The following SPINT1 variants were observed in gnomAD, a reference collection of about 807,000 sequenced individuals.
The protein encoded by SPINT1 is serine peptidase inhibitor, Kunitz type 1.
Under a neutral mutation model 53.7 loss-of-function variants are expected in SPINT1, and 38 were observed. The observed-to-expected ratio is 0.71, with a 90% CI of 0.55 to 0.93. The LOEUF (loss-of-function observed/expected upper bound fraction) is 0.93. Among genes scored for constraint, SPINT1 ranks in the 40% least tolerant of loss-of-function variants. The pLI is 0.00. For missense variants in SPINT1, 645 were observed against 692.9 expected (o/e 0.93, Z 0.78); for synonymous variants, 283 against 280.6 (o/e 1.01, Z -0.08).
rs1290058311 is a variant in SPINT1, at chr15:40,844,098, G to C, written c.-154G>C. 2.3e-6 allele frequency: 1 copy of C among 433,220 alleles called. No homozygotes were observed. Among genetic ancestry groups the C allele is most frequent in the Non-Finnish European group, 4.6e-6 (1 of 218,982 alleles). The allele number at this position is 433,220 out of a possible 1,614,324, so 26.8% of individuals were successfully genotyped here. ...AGGCGGCCGAGCCCCAGCTCTCCGA[G>C]CACCGGGTCGGAAGCCGCGACCCGA... On this transcript the variant is annotated 5_prime_UTR_variant, in exon 1 of 11. Transcript: ENST00000562057. The surrounding 1 kb of genome is among the most constrained non-coding windows in gnomAD (Gnocchi z 5.8).
rs112045778 is a variant in SPINT1, at chr15:40,845,301, G to A, written c.475+272G>A. ...GGAGTAGCTGGAACTACAGGCACCCGCTACCAGACCCGGCTAATTTTTTTT... is the reference window on the plus strand; with the variant it reads ...GGAGTAGCTGGAACTACAGGCACCCACTACCAGACCCGGCTAATTTTTTTT... On this transcript the variant is annotated intron_variant, in intron 2 of 10. Coordinates refer to ENST00000562057, the MANE Select transcript of SPINT1 (RefSeq NM_003710.4). 2.1e-3 allele frequency among the ~76,000 whole-genome samples: 290 copies of A among 140,188 alleles called. 1 individual carries two copies. The highest frequency in any genetic ancestry group is 7.4e-3 in the African/African-American group (274 of 37,058). 92.0% of individuals were successfully genotyped at this position (140,188 alleles called of 152,430 possible). A position where few individuals can be genotyped will look rare whatever the true frequency, so the allele number is the denominator to read the frequency against.
intron 2 of SPINT1, among the ~76,000 whole-genome samples, chr15:40,847,660 T>TA (rs931952450): frequency 2.6e-4 from 40 of 152,302 alleles, no homozygotes; most frequent in Middle Eastern, 3.4e-3. Context: ...ATTGCCACTC[T>TA]AGCCCTTTGC....
rs1488278273 is a variant in SPINT1, at chr15:40,853,705, C to A, written c.743-6C>A. On this transcript the variant is annotated splice_region_variant and splice_polypyrimidine_tract_variant and intron_variant, in intron 4 of 10. Coordinates refer to ENST00000562057, the MANE Select transcript of SPINT1 (RefSeq NM_003710.4). ...GCACGGTCCCCTCATAAGCTCTCCC[C>A]CCTAGACTACTGCCTCGCATCCAAC... 1.9e-6 allele frequency: 3 copies of A among 1,614,074 alleles called. No individual in the cohort carries two copies. The highest frequency in any genetic ancestry group is 2.2e-5 in the East Asian group (1 of 44,882).
chr15:40,844,590 C>T lies in SPINT1; in HGVS notation c.36C>T (p.Leu12=), dbSNP rs557336289. The change falls in exon 2 of 11, where the codon CTC becomes CTT. Residue 12 remains leucine, a synonymous_variant. Transcript: ENST00000562057. The surrounding 1 kb of genome is among the most constrained non-coding windows in gnomAD (Gnocchi z 5.8). ...CGAGGACGATGGCCCGCGCCCGCCT[C>T]GCCCCGGCCGGCATCCCTGCCGTCG... The part of the protein sequence containing the change: ...APARTMARAR[L]APAGIPAVAL... The T allele has an allele frequency of 2.5e-6, 4 of 1,609,806 alleles. No homozygotes were observed. In the African/African-American group the frequency reaches 5.4e-5, roughly 22 times the overall value.
In SPINT1 at chr15:40,853,748, G is replaced by A. The variant is rs1339238237; in HGVS notation, c.780G>A (p.Arg260=). Residue 260 remains arginine, a synonymous_variant, in exon 5 of 11, where the codon CGG becomes CGA. Coordinates refer to ENST00000562057, the MANE Select transcript of SPINT1 (RefSeq NM_003710.4). ...CATCCAACAAGGTGGGTCGCTGCCG[G>A]GGCTCTTTCCCACGCTGGTACTATG... ...CLASNKVGRC[R]GSFPRWYYDP... is the part of the protein sequence containing the mutation. 1 of 1,614,004 alleles carries A rather than the reference G, an allele frequency of 6.2e-7. No homozygotes were observed. Among genetic ancestry groups the A allele is most frequent in the African/African-American group, 1.3e-5 (1 of 74,902 alleles).
Position 40,844,611 on chromosome 15 carries a change from C to A in SPINT1, c.57C>A (p.Ala19=). The change falls in exon 2 of 11, where the codon GCC becomes GCA. Residue 19 remains alanine (A), a synonymous_variant. Coordinates refer to ENST00000562057, the MANE Select transcript of SPINT1 (RefSeq NM_003710.4). This position sits in a 1 kb window ranked among gnomAD's most constrained non-coding sequence, Gnocchi z 5.8. ...GCCTCGCCCCGGCCGGCATCCCTGC[C>A]GTCGCCTTGTGGCTTCTGTGCACGC... ...RARLAPAGIP[A]VALWLLCTLG... The A allele has an allele frequency of 6.2e-7, 1 of 1,609,852 alleles. No individual in the cohort carries two copies. Among genetic ancestry groups the A allele is most frequent in the Non-Finnish European group, 8.5e-7 (1 of 1,178,710 alleles).
At chr15:40,853,961 G>T in intron 5 of SPINT1, 80 bp downstream of exon 5, 1 of 1,611,418 alleles carries the variant, frequency 6.2e-7, no homozygotes, top group Non-Finnish European at 8.5e-7. Context: ...TGGCCAGGGA[G>T]GTGGGTGGTG....
Position 40,855,923 on chromosome 15 carries a change from C to G in SPINT1, c.1149C>G (p.Leu383=), listed in dbSNP as rs1171411596. 4.3e-6 allele frequency: 7 copies of G among 1,614,098 alleles called. No individual in the cohort carries two copies. Among genetic ancestry groups the G allele is most frequent in the Non-Finnish European group, 5.9e-6 (7 of 1,180,042 alleles). ...GHCVDLPDTG[L]CKESIPRWYY... is the part of the protein sequence containing the mutation. Reference sequence around the variant, plus strand: ...GCGTGGACCTGCCAGACACAGGACTCTGCAAGGAGAGCATCCCGCGCTGGT... The same window carrying G: ...GCGTGGACCTGCCAGACACAGGACTGTGCAAGGAGAGCATCCCGCGCTGGT... Residue 383 remains leucine, a synonymous_variant, in exon 9 of 11, where the codon CTC becomes CTG. Transcript: ENST00000562057.
Position 40,858,033 on chromosome 15 carries a change from G to C in SPINT1, c.*1058G>C, listed in dbSNP as rs1459147491. 2 of 152,134 alleles carry C rather than the reference G, an allele frequency of 1.3e-5. No homozygotes were observed. Among genetic ancestry groups the C allele is most frequent in the Non-Finnish European group, 2.9e-5 (2 of 68,020 alleles). The allele number at this position is 152,134 out of a possible 1,614,324, so 9.4% of individuals were successfully genotyped here. On this transcript the variant is annotated 3_prime_UTR_variant, in exon 11 of 11. Transcript: ENST00000562057. ...CATGTTAGGGCCCAGGTGACTAGCT[G>C]TCTCCCTCCCAACAGAAGCCCTGGC...
At chr15:40,856,522 C>T (rs752058381) in intron 10 of SPINT1, among the ~76,000 whole-genome samples, 199 bp downstream of exon 10, 15 of 152,148 alleles carry the variant, frequency 9.9e-5, no homozygotes, top group Non-Finnish European at 1.9e-4. Context: ...TGTCTGTCAG[C>T]AGCGTCCCAG....
intron 8 of SPINT1, among the ~76,000 whole-genome samples, chr15:40,855,161 G>T (rs1277271535): frequency 1.3e-5 from 2 of 152,042 alleles, no homozygotes; most frequent in Non-Finnish European, 2.9e-5. Context: ...CTGGCAGATT[G>T]CTTGAGCTCA....
At chr15:40,856,132 A>T in intron 9 of SPINT1, 70 bp downstream of exon 9, 1 of 1,599,402 alleles carries the variant, frequency 6.3e-7, no homozygotes, top group African/African-American at 1.3e-5. Context: ...CTCTGTCCCC[A>T]GGCCTTTGGG....
In SPINT1 at chr15:40,854,802, A is replaced by T. The variant is rs939716912; in HGVS notation, c.1117+113A>T. The T allele has an allele frequency of 5.8e-6, 8 of 1,388,068 alleles. No homozygotes were observed. The African/African-American group carries it at 1.1e-4, about 20-fold the overall frequency. 86.0% of individuals were successfully genotyped at this position (1,388,068 alleles called of 1,614,324 possible). ...GCTGGGTGTACGGGCCTGTGGGCAC[A>T]AAGAGCCAGGGTGGGCTCCCCGTTC... On this transcript the variant is annotated intron_variant, in intron 8 of 10. Transcript: ENST00000562057.
At chr15:40,853,094 T>A (rs1351261941) in intron 2 of SPINT1, 30 bp from the exon 3 acceptor site, 2 of 1,608,982 alleles carry the variant, frequency 1.2e-6, no homozygotes, top group African/African-American at 2.7e-5. Context: ...TAGTGAGAAT[T>A]GACCTTATCT....
At chr15:40,852,813 T>C (rs779856983) in intron 2 of SPINT1, among the ~76,000 whole-genome samples, 1 of 150,678 alleles carries the variant, frequency 6.6e-6, no homozygotes, top group Non-Finnish European at 1.5e-5. Flanking sequence ...CTGGCCATGA[T>C]AGAGTCTGTG....
At chr15:40,854,208 C>T (rs1465329767) in intron 6 of SPINT1, 122 bp downstream of exon 6, 1 of 1,367,394 alleles carries the variant, frequency 7.3e-7, no homozygotes, top group Non-Finnish European at 9.9e-7. Flanking sequence ...TGTGGAAGGA[C>T]CACAAACATC....
rs1251776211 is a variant in SPINT1 at position 40,857,869 on chromosome 15, G to A, written c.*894G>A. On this transcript the variant is annotated 3_prime_UTR_variant, in exon 11 of 11. Transcript: ENST00000562057. ...GCGGGCCACGGGAGCCACGAGTGTG[G>A]GGAGGCTGCAGTGCTGCTGTGTAGC... 1 of 152,570 alleles carries A rather than the reference G, an allele frequency of 6.6e-6. No individual in the cohort carries two copies. The highest frequency in any genetic ancestry group is 1.9e-4 in the East Asian group (1 of 5,202). 9.5% of individuals were successfully genotyped at this position (152,570 alleles called of 1,614,324 possible).
chr15:40,856,045 C>G lies in SPINT1; in HGVS notation c.1271C>G (p.Ser424Cys). The change falls in exon 9 of 11, where the codon TCT (serine) becomes TGT (cysteine). Residue 424 changes from serine to cysteine, a missense_variant. Ser to Cys is a moderately radical substitution (Grantham distance 112, BLOSUM62 -1). Coordinates refer to ENST00000562057, the MANE Select transcript of SPINT1 (RefSeq NM_003710.4). ...GAGGAAGAGCAGCAGTGCCTCGAGT[C>G]TTGTCGCGGCATCTCCAGTGAGTGG... ...NFEEEQQCLE[S>C]CRGISKKDVF... 1 of 1,614,080 alleles carries G rather than the reference C, an allele frequency of 6.2e-7. No homozygotes were observed. Among genetic ancestry groups the G allele is most frequent in the Non-Finnish European group, 8.5e-7 (1 of 1,180,008 alleles).
At chr15:40,848,534 T>C (rs969231762) in intron 2 of SPINT1, among the ~76,000 whole-genome samples, 1 of 152,226 alleles carries the variant, frequency 6.6e-6, no homozygotes, top group Non-Finnish European at 1.5e-5. Context: ...CATCCTATAA[T>C]TGAATACTGT....
Sources: allele counts gnomAD v4.1 joint callset (sites outside exome capture counted in the v4.1 genomes callset), GRCh38; gene constraint gnomAD v4.1.1; non-coding constraint Gnocchi (gnomAD v3.1); transcripts MANE v1.5; gene names NCBI Gene and HGNC (gene_info 2026-07-23, HGNC 2026-07-21).